Variants in ABCA9 observed in about 807,000 individuals in gnomAD.
ABCA9 encodes ATP binding cassette subfamily A member 9.
Under a neutral mutation model 205.3 loss-of-function variants are expected in ABCA9, and 183 were observed. That is an observed-to-expected ratio of 0.89 (90% CI 0.79 to 1.01). The LOEUF is 1.01. Ranked by LOEUF, ABCA9 falls within the 50% of genes least tolerant of loss-of-function variation. ABCA9 has a pLI of 0.00. For missense variants in ABCA9, 1,805 were observed against 1,912.4 expected (o/e 0.94, Z 1.05); for synonymous variants, 651 against 683.3 (o/e 0.95, Z 0.74).
At chr17:69,005,520 AT>A (rs1437065256) in intron 25 of ABCA9, among the ~76,000 whole-genome samples, 1 of 152,172 alleles carries the variant, frequency 6.6e-6, no homozygotes, top group Non-Finnish European at 1.5e-5. Context: ...TTTAGAGCCA[AT>A]TATTAGCATT....
chr17:69,062,352 C>T (rs117619449), upstream of ABCA9, among the ~76,000 whole-genome samples: 179 of 152,042 alleles, frequency 1.2e-3, no homozygotes, highest in Non-Finnish European at 2.3e-3. Context: ...CTTATGAGTT[C>T]TGGACCTAGT....
At chr17:69,039,719 C>T (rs533153461) in intron 6 of ABCA9, among the ~76,000 whole-genome samples, 1 of 152,212 alleles carries the variant, frequency 6.6e-6, no homozygotes. Context: ...TCTAATCAAA[C>T]TAAAGAGCTT....
At chr17:69,062,935 A>G (rs1197640340), upstream of ABCA9, among the ~76,000 whole-genome samples, 1 of 152,196 alleles carries the variant, frequency 6.6e-6, no homozygotes, top group Non-Finnish European at 1.5e-5. Flanking sequence ...GCAACTACAT[A>G]TAGCATTTAT....
chr17:69,027,575 C>G (rs923817639), intron 13 of ABCA9, 65 bp downstream of exon 13: 2 of 1,577,562 alleles, frequency 1.3e-6, no homozygotes, highest in Non-Finnish European at 1.7e-6. Flanking sequence ...TATAACTTAG[C>G]ACAATATTTT....
intron 10 of ABCA9, 80 bp from the exon 11 acceptor site, chr17:69,029,307 C>G: frequency 1.3e-6 from 1 of 778,478 alleles, no homozygotes; most frequent in Non-Finnish European, 2.0e-6. Flanking sequence ...GAGGCTTAAT[C>G]AAAGCCTCAA....
At chr17:68,994,848 C>T (rs898309523) in intron 26 of ABCA9, among the ~76,000 whole-genome samples, 1 of 152,210 alleles carries the variant, frequency 6.6e-6, no homozygotes, top group Non-Finnish European at 1.5e-5. Context: ...CTCTATCTCT[C>T]TTTTCCAGCA....
chr17:69,075,328 T>C, the ABCA9 span, among the ~76,000 whole-genome samples: 1 of 152,200 alleles, frequency 6.6e-6, no homozygotes, highest in Non-Finnish European at 1.5e-5. Context: ...AAGGCAGATG[T>C]CCAGAATGGT....
intron 28 of ABCA9, among the ~76,000 whole-genome samples, chr17:68,991,295 G>A (rs762321063): frequency 6.6e-6 from 1 of 152,184 alleles, no homozygotes; most frequent in Non-Finnish European, 1.5e-5. Flanking sequence ...CTATAGTTTT[G>A]ACAACAGATA....
At chr17:69,009,998 T>G (rs944913365) in intron 23 of ABCA9, among the ~76,000 whole-genome samples, 4 of 152,138 alleles carry the variant, frequency 2.6e-5, no homozygotes, top group African/African-American at 9.7e-5. Context: ...TGTCTGTAAT[T>G]TTATTTGCTT....
intron 22 of ABCA9, among the ~76,000 whole-genome samples, chr17:69,014,483 T>A (rs1377510661): frequency 1.3e-5 from 2 of 152,100 alleles, no homozygotes; most frequent in African/African-American, 4.8e-5. Context: ...ACGTTTCAGA[T>A]AAGGGATGCT....
Position 68,975,737 on chromosome 17 carries a change from A to G in ABCA9, c.*178T>C, listed in dbSNP as rs963281234. Reference sequence around the variant, plus strand: ...ATGGTATGGCTTAGGCTTATGCCCTATGATCGCCCTCACTGACATCGCCTG... The same window carrying G: ...ATGGTATGGCTTAGGCTTATGCCCTGTGATCGCCCTCACTGACATCGCCTG... On this transcript the variant is annotated 3_prime_UTR_variant, in exon 39 of 39. Coordinates refer to ENST00000340001, the MANE Select transcript of ABCA9 (RefSeq NM_080283.4). 1.7e-5 allele frequency: 10 copies of G among 590,836 alleles called. No individual in the cohort carries two copies. Among genetic ancestry groups the G allele is most frequent in the African/African-American group, 9.3e-5 (5 of 53,580 alleles). 36.6% of individuals were successfully genotyped at this position (590,836 alleles called of 1,614,324 possible).
At chr17:68,982,448 T>C in intron 37 of ABCA9, 114 bp downstream of exon 37, 2 of 794,560 alleles carry the variant, frequency 2.5e-6, no homozygotes, top group East Asian at 2.5e-5. Context: ...CTTAGTAATG[T>C]ATTAATGATA....
chr17:69,052,235 C>T lies in ABCA9; in HGVS notation c.-13-1096G>A, dbSNP rs115130409. On this transcript the variant is annotated intron_variant, in intron 1 of 38. Transcript: ENST00000340001. ...TTAAAAAATCAAAAAATTAGCTGGA[C>T]ATGGTCCTTGTAGTCCCAGCTACCA... 3.9e-3 allele frequency among the ~76,000 whole-genome samples: 587 copies of T among 152,104 alleles called. 4 individuals carry two copies. The highest frequency in any genetic ancestry group is 0.014 in the African/African-American group (561 of 41,494).
chr17:69,057,990 T>C (rs536699665), intron 1 of ABCA9, among the ~76,000 whole-genome samples: 1 of 152,322 alleles, frequency 6.6e-6, no homozygotes, highest in Non-Finnish European at 1.5e-5. Context: ...TTTTACATAA[T>C]GGTGTCGTAT....
At chr17:69,020,630 T>C (rs189203192) in intron 18 of ABCA9, 44 bp from the exon 19 acceptor site, 11 of 1,569,770 alleles carry the variant, frequency 7.0e-6, no homozygotes, top group Non-Finnish European at 9.6e-6. Flanking sequence ...ATTTTAGTTA[T>C]GCATTATTTA....
At chr17:69,013,342 T>TTCTC (rs927915777) in intron 22 of ABCA9, among the ~76,000 whole-genome samples, 1 of 152,166 alleles carries the variant, frequency 6.6e-6, no homozygotes, top group Non-Finnish European at 1.5e-5. Context: ...GTTTCTTTAC[T>TTCTC]TCTCTGTTCT....
At chr17:69,077,049 C>A in the ABCA9 span, among the ~76,000 whole-genome samples, 4 of 151,922 alleles carry the variant, frequency 2.6e-5, no homozygotes, top group African/African-American at 7.2e-5. Flanking sequence ...TTTTCTTCTG[C>A]TAGTTTTGGG....
In ABCA9 at chr17:68,990,846, G is replaced by T. The variant is rs762426416; in HGVS notation, c.3828C>A (p.Asp1276Glu). The T allele has an allele frequency of 6.2e-7, 1 of 1,612,070 alleles. No homozygotes were observed. Among genetic ancestry groups the T allele is most frequent in the Non-Finnish European group, 8.5e-7 (1 of 1,179,536 alleles). The change falls in exon 29 of 39, where the codon GAC (aspartate) becomes GAA (glutamate). Residue 1276 changes from aspartate to glutamate, a missense_variant. Physicochemically the swap from Asp to Glu is conservative, Grantham distance 45. Coordinates refer to ENST00000340001, the MANE Select transcript of ABCA9 (RefSeq NM_080283.4). ...MRTVNAMAVRDFDETPVIIAS... is the reference protein window; with the variant it reads ...MRTVNAMAVREFDETPVIIAS... ...CATTTCTGAGTTCTACCTCATCAAA[G>T]TCTCGCACAGCCATAGCATTCACTG...
chr17:69,062,337 T>A (rs2072278059), upstream of ABCA9, among the ~76,000 whole-genome samples: 1 of 152,092 alleles, frequency 6.6e-6, no homozygotes, highest in African/African-American at 2.4e-5. Flanking sequence ...GTACCTAGGT[T>A]AGAGCTTATG....
Sources: allele counts gnomAD v4.1 joint callset (sites outside exome capture counted in the v4.1 genomes callset), GRCh38; gene constraint gnomAD v4.1.1; transcripts MANE v1.5; gene names NCBI Gene and HGNC (gene_info 2026-07-23, HGNC 2026-07-21).